The following ABTB1 variants were observed in gnomAD, a reference collection of about 807,000 sequenced individuals.
ABTB1 encodes ankyrin repeat and BTB domain containing 1.
In ABTB1, 45 loss-of-function variants were observed where a neutral mutation model predicts 57.1. That is an observed-to-expected ratio of 0.79 (90% CI 0.62 to 1.01). The LOEUF is 1.01. ABTB1 is among the 50% of genes least tolerant of loss of function. ABTB1 has a pLI of 0.00. For synonymous variants in ABTB1, 302 were observed against 275.4 expected (o/e 1.10, Z -0.95); for missense variants, 630 against 666.3 (o/e 0.95, Z 0.60).
At chr3:127,675,790 G>A in intron 3 of ABTB1, 180 bp from the exon 4 acceptor site, 1 of 721,062 alleles carries the variant, frequency 1.4e-6, no homozygotes, top group Non-Finnish European at 2.3e-6. Context: ...ACACAGACGT[G>A]CCCATTCGCC....
Position 127,677,170 on chromosome 3 carries a change from G to A in ABTB1, c.646G>A (p.Ala216Thr). 6.2e-7 allele frequency: 1 copy of A among 1,613,574 alleles called. No individual in the cohort carries two copies. Among genetic ancestry groups the A allele is most frequent in the Non-Finnish European group, 8.5e-7 (1 of 1,179,826 alleles). Residue 216 changes from alanine to threonine, a missense_variant and splice_region_variant, in exon 8 of 12, where the codon GCG (alanine) becomes ACG (threonine). Physicochemically the swap from Ala to Thr is moderately conservative, Grantham distance 58. Coordinates refer to ENST00000232744, the MANE Select transcript of ABTB1 (RefSeq NM_172027.3). Reference sequence around the variant, plus strand: ...CTGAAGTTGTTCTTCCCCTGTAGTGGCGTCTAAGCCAGGCACGTGTGTGAA... The same window carrying A: ...CTGAAGTTGTTCTTCCCCTGTAGTGACGTCTAAGCCAGGCACGTGTGTGAA... The part of the protein sequence containing the change: ...AKCEKVSEFV[A>T]SKPGTCVKVL...
chr3:127,675,969 GGAGCCCGCTGC>G lies in ABTB1; in HGVS notation c.179_189del (p.Ala60GlyfsTer7). The G allele has an allele frequency of 6.2e-7, 1 of 1,604,412 alleles. No individual in the cohort carries two copies. The highest frequency in any genetic ancestry group is 8.5e-7 in the Non-Finnish European group (1 of 1,173,448). On this transcript the variant is annotated frameshift_variant and splice_region_variant, in exon 4 of 12. Coordinates refer to ENST00000232744, the MANE Select transcript of ABTB1 (RefSeq NM_172027.3). LOFTEE classifies it high-confidence loss of function. ...TAACTGGTGAGCCCTGCCTCCCCCA[GGAGCCCGCTGC>G]GAGGCCAACACCTTCGATGGTGAGC...
In ABTB1 at chr3:127,677,186, C is replaced by T. The variant is rs745736649; in HGVS notation, c.662C>T (p.Thr221Met). The T allele has an allele frequency of 1.3e-5, 21 of 1,612,998 alleles. No homozygotes were observed. The highest frequency in any genetic ancestry group is 1.6e-4 in the Middle Eastern group (1 of 6,080). The change falls in exon 8 of 12, where the codon ACG (threonine) becomes ATG (methionine). Residue 221 changes from threonine to methionine, a missense_variant. Thr to Met is a moderately conservative substitution (Grantham distance 81). Coordinates refer to ENST00000232744, the MANE Select transcript of ABTB1 (RefSeq NM_172027.3). ...CCTGTAGTGGCGTCTAAGCCAGGCA[C>T]GTGTGTGAAGGTGCTGACCATCGAG... Reference protein sequence around the residue: ...VSEFVASKPGTCVKVLTIEPP... With the variant: ...VSEFVASKPGMCVKVLTIEPP...
intron 1 of ABTB1, 126 bp from the exon 2 acceptor site, chr3:127,674,265 C>A: frequency 7.9e-7 from 1 of 1,268,472 alleles, no homozygotes; most frequent in Non-Finnish European, 1.1e-6. Flanking sequence ...TGCCTGTCAC[C>A]TGCCCTCACC....
Position 127,677,876 on chromosome 3 carries a change from C to A in ABTB1, c.1029+33C>A, listed in dbSNP as rs756489673. On this transcript the variant is annotated intron_variant, in intron 10 of 11. Coordinates refer to ENST00000232744, the MANE Select transcript of ABTB1 (RefSeq NM_172027.3). ...CTCAGGCAGAGCTGGGGATGGCACA[C>A]AACCTGTGCTGCCGTGGGCTGAGAG... 21 of 1,603,720 alleles carry A rather than the reference C, an allele frequency of 1.3e-5. 2 individuals are homozygous for A. The South Asian group carries it at 1.7e-4, about 13-fold the overall frequency.
chr3:127,674,674 C>G (rs373134391), intron 3 of ABTB1, 74 bp downstream of exon 3: 25 of 1,566,298 alleles, frequency 1.6e-5, no homozygotes, highest in Non-Finnish European at 2.2e-5. Flanking sequence ...TGCATGCGTG[C>G]GTGCATTCAA....
At position 127,676,164 on chromosome 3, in the gene ABTB1, G is replaced by A. The variant is rs973525527; in HGVS notation, c.320+50G>A. On this transcript the variant is annotated intron_variant, in intron 4 of 11. Transcript: ENST00000232744. This position sits in a 1 kb window ranked among gnomAD's most constrained non-coding sequence, Gnocchi z 5.4. Reference sequence around the variant, plus strand: ...CAGCATGGGGTGCGGTGGCCCTGGTGGGTGTGGCGAGTCTGCTCTGACTGT... The same window carrying A: ...CAGCATGGGGTGCGGTGGCCCTGGTAGGTGTGGCGAGTCTGCTCTGACTGT... The A allele has an allele frequency of 4.4e-6, 7 of 1,608,442 alleles. No individual in the cohort carries two copies. Among genetic ancestry groups the A allele is most frequent in the Non-Finnish European group, 6.0e-6 (7 of 1,176,302 alleles).
chr3:127,675,634 C>T (rs1238500115), intron 3 of ABTB1: 2 of 335,050 alleles, frequency 6.0e-6, no homozygotes, highest in African/African-American at 4.1e-5. Flanking sequence ...TGTCCTGCCT[C>T]ACTAGAGTAT....
chr3:127,676,770 C>T lies in ABTB1; in HGVS notation c.526+189C>T. ...TGTGCCTGCTCAGGAAGAGCTTGTC[C>T]CACCCACATGCTGAGGCCCTCCCAT... is the stretch of plus-strand genomic sequence containing the variant. On this transcript the variant is annotated intron_variant, in intron 6 of 11. Transcript: ENST00000232744. This position sits in a 1 kb window ranked among gnomAD's most constrained non-coding sequence, Gnocchi z 5.4. 1 of 855,178 alleles carries T rather than the reference C, an allele frequency of 1.2e-6. No homozygotes were observed. Among genetic ancestry groups the T allele is most frequent in the Non-Finnish European group, 1.8e-6 (1 of 557,388 alleles). 53.0% of individuals were successfully genotyped at this position (855,178 alleles called of 1,614,324 possible).
intron 3 of ABTB1, 95 bp downstream of exon 3, chr3:127,674,695 A>G: frequency 6.9e-7 from 1 of 1,445,398 alleles, no homozygotes; most frequent in Non-Finnish European, 9.7e-7. Context: ...AGGCCTTGAT[A>G]CACATTTGCA....
chr3:127,675,824 G>A (rs1057186416), intron 3 of ABTB1, 146 bp from the exon 4 acceptor site: 34 of 1,075,404 alleles, frequency 3.2e-5, no homozygotes, highest in Non-Finnish European at 3.9e-5. Context: ...GGAGGGTGTT[G>A]GGGTCAGAGT....
In ABTB1 at chr3:127,677,700, T is replaced by TACTTCCGAGCCCTGCTGGATGACC. The variant is rs1211271567; in HGVS notation, c.896_919dup (p.Ala299_Arg306dup). 28 of 1,609,714 alleles carry TACTTCCGAGCCCTGCTGGATGACC rather than the reference T, an allele frequency of 1.7e-5. No homozygotes were observed. Among genetic ancestry groups the TACTTCCGAGCCCTGCTGGATGACC allele is most frequent in the Non-Finnish European group, 2.0e-5 (24 of 1,178,088 alleles). ...GGCCTTTTTCTGTGGCCGCAGTGAC[T>TACTTCCGAGCCCTGCTGGATGACC]ACTTCCGAGCCCTGCTGGATGACCA... On this transcript the variant is annotated inframe_insertion, in exon 10 of 12. Coordinates refer to ENST00000232744, the MANE Select transcript of ABTB1 (RefSeq NM_172027.3).
At chr3:127,678,032 C>A in intron 10 of ABTB1, 189 bp downstream of exon 10, 1 of 694,336 alleles carries the variant, frequency 1.4e-6, no homozygotes, top group Non-Finnish European at 2.3e-6. Context: ...TGTTGGGCTC[C>A]AGAGAGAGGA....
intron 9 of ABTB1, 27 bp downstream of exon 9, chr3:127,677,590 G>T: frequency 1.9e-6 from 3 of 1,613,594 alleles, no homozygotes; most frequent in Non-Finnish European, 2.5e-6. Flanking sequence ...GTTGCCCCTG[G>T]CCCCAGCCCG....
At chr3:127,675,801 T>A in intron 3 of ABTB1, 169 bp from the exon 4 acceptor site, 1 of 839,020 alleles carries the variant, frequency 1.2e-6, no homozygotes, top group African/African-American at 1.7e-5. Context: ...CCCATTCGCC[T>A]AGCCCTTGAC....
intron 8 of ABTB1, 52 bp downstream of exon 8, chr3:127,677,338 ACAGGCAGCC>A: frequency 1.9e-6 from 3 of 1,564,694 alleles, no homozygotes; most frequent in Non-Finnish European, 2.6e-6. Flanking sequence ...GCAGGCCGTG[ACAGGCAGCC>A]CAGATACTTG....
At position 127,674,424 on chromosome 3, in the gene ABTB1, T is replaced by C. The variant is rs1458927967; in HGVS notation, c.90T>C (p.Asn30=). The C allele has an allele frequency of 6.7e-7, 1 of 1,484,258 alleles. No individual in the cohort carries two copies. The highest frequency in any genetic ancestry group is 9.1e-7 in the Non-Finnish European group (1 of 1,101,550). 91.9% of individuals were successfully genotyped at this position (1,484,258 alleles called of 1,614,324 possible). Residue 30 remains asparagine (N), a synonymous_variant, in exon 2 of 12, where the codon AAT becomes AAC. Transcript: ENST00000232744. ...TGGAGCAGCGAGACGTGGAGGTGAA[T>C]GTGCGGGACAAGTGGGACAGCACCC... ...YLLEQRDVEV[N]VRDKWDSTPL... is the part of the protein sequence containing the mutation.
chr3:127,676,190 G>C lies in ABTB1; in HGVS notation c.320+76G>C. The C allele has an allele frequency of 6.2e-7, 1 of 1,605,932 alleles. No homozygotes were observed. Among genetic ancestry groups the C allele is most frequent in the Non-Finnish European group, 8.5e-7 (1 of 1,174,268 alleles). ...GGTGTGGCGAGTCTGCTCTGACTGTGGCCTGCACTGGGTTCTGAGTGCTCC... is the reference window on the plus strand; with the variant it reads ...GGTGTGGCGAGTCTGCTCTGACTGTCGCCTGCACTGGGTTCTGAGTGCTCC... On this transcript the variant is annotated intron_variant, in intron 4 of 11. Transcript: ENST00000232744. This position sits in a 1 kb window ranked among gnomAD's most constrained non-coding sequence, Gnocchi z 5.4.
rs1213751648 is a variant in ABTB1 at position 127,676,866 on chromosome 3, G to T, written c.527-101G>T. ...GTGGCAAGTGGGCCCAGGAGTCCTA[G>T]TCCTGCAGCCAGGTGGCCAGGTGGG... On this transcript the variant is annotated intron_variant, in intron 6 of 11. Transcript: ENST00000232744. This position sits in a 1 kb window ranked among gnomAD's most constrained non-coding sequence, Gnocchi z 5.4. The T allele has an allele frequency of 3.0e-5, 37 of 1,214,412 alleles. No individual in the cohort carries two copies. The highest frequency in any genetic ancestry group is 2.0e-4 in the Middle Eastern group (1 of 5,110). The allele number at this position is 1,214,412 out of a possible 1,614,324, so 75.2% of individuals were successfully genotyped here. A position where few individuals can be genotyped will look rare whatever the true frequency, so the allele number is the denominator to read the frequency against.
Sources: allele counts gnomAD v4.1 joint callset, GRCh38; gene constraint gnomAD v4.1.1; non-coding constraint Gnocchi (gnomAD v3.1); transcripts MANE v1.5; gene names NCBI Gene and HGNC (gene_info 2026-07-23, HGNC 2026-07-21).